Variants in USP48 observed in about 807,000 individuals in gnomAD.
USP48 encodes ubiquitin specific peptidase 48.
USP48 carries 43 observed loss-of-function variants against 150.7 expected under a neutral mutation model. The ratio of observed to expected loss-of-function variants is 0.29; its 90% confidence interval spans 0.22 to 0.37. The LOEUF (loss-of-function observed/expected upper bound fraction) is 0.37, where lower values mean the gene tolerates loss of function less well. USP48 is among the 10% of genes least tolerant of loss of function. The pLI, the probability that USP48 is intolerant of heterozygous loss-of-function variation, is 1.00. For synonymous variants in USP48, 396 were observed against 425.9 expected, an observed-to-expected ratio of 0.93 and a Z score of 0.86; for missense variants, 813 against 1,249.6, an observed-to-expected ratio of 0.65 and a Z score of 5.27.
At chr1:21,770,847 CT>C (rs1557612380) in intron 1 of USP48, among the ~76,000 whole-genome samples, 1 of 151,784 alleles carries the variant, frequency 6.6e-6, no homozygotes, top group East Asian at 1.9e-4. Context: ...TTCAAGCTGG[CT>C]ACAGTGGCTC....
At chr1:21,711,820 T>A (rs1286274764) in intron 15 of USP48, among the ~76,000 whole-genome samples, 2 of 152,148 alleles carry the variant, frequency 1.3e-5, no homozygotes, top group Non-Finnish European at 2.9e-5. Context: ...GAAACTGAAG[T>A]GGAGAAAAAT....
Position 21,772,571 on chromosome 1 carries a change from C to T in USP48, c.134+10253G>A, listed in dbSNP as rs533001767. Among the ~76,000 whole-genome samples, 129 of 148,012 alleles carry T rather than the reference C, an allele frequency of 8.7e-4. 1 individual carries two copies. Among genetic ancestry groups the T allele is most frequent in the African/African-American group, 2.8e-3 (111 of 40,008 alleles). ...CCGGGAGGCGGAGCTCGCAGTGAGCCGAGATCGCGCCACTGCACTCCAGCC... is the reference window on the plus strand; with the variant it reads ...CCGGGAGGCGGAGCTCGCAGTGAGCTGAGATCGCGCCACTGCACTCCAGCC... On this transcript the variant is annotated intron_variant, in intron 1 of 26. Coordinates refer to ENST00000308271, the MANE Select transcript of USP48 (RefSeq NM_032236.8).
At chr1:21,716,855 C>T (rs374449606) in intron 14 of USP48, among the ~76,000 whole-genome samples, 103 of 152,082 alleles carry the variant, frequency 6.8e-4, no homozygotes, top group African/African-American at 2.2e-3. Context: ...AGTGAAACCT[C>T]GTCTCTACTA....
intron 8 of USP48, among the ~76,000 whole-genome samples, chr1:21,740,426 T>A (rs922061218): frequency 3.9e-5 from 6 of 152,368 alleles, no homozygotes; most frequent in African/African-American, 1.4e-4. Flanking sequence ...GAGAAAATTA[T>A]CTGCCTTATA....
chr1:21,782,036 A>C (rs1245925493), intron 1 of USP48: 3 of 152,246 alleles, frequency 2.0e-5, no homozygotes, highest in Non-Finnish European at 4.4e-5. Flanking sequence ...AACTCCAGAA[A>C]GCATTTCCTA....
At chr1:21,748,649 G>A (rs1391795099) in intron 6 of USP48, among the ~76,000 whole-genome samples, 1 of 152,236 alleles carries the variant, frequency 6.6e-6, no homozygotes, top group African/African-American at 2.4e-5. Context: ...CATGGCTCAC[G>A]CCTGTAATCC....
intron 8 of USP48, among the ~76,000 whole-genome samples, chr1:21,743,163 C>T (rs1029123077): frequency 2.6e-5 from 4 of 151,916 alleles, no homozygotes; most frequent in Admixed American, 6.6e-5. Context: ...CCTCATTTTG[C>T]AGGCTGTGGG....
chr1:21,771,166 G>T (rs1198323454), intron 1 of USP48, among the ~76,000 whole-genome samples: 1 of 151,336 alleles, frequency 6.6e-6, no homozygotes, highest in South Asian at 2.1e-4. Flanking sequence ...GTAAATTTTC[G>T]AAATCAAGAC....
At chr1:21,782,198 G>A (rs1474478072) in intron 1 of USP48, among the ~76,000 whole-genome samples, 4 of 152,132 alleles carry the variant, frequency 2.6e-5, no homozygotes, top group Admixed American at 6.6e-5. Context: ...TATATGAGGG[G>A]GTTAAGGAAA....
chr1:21,684,773 T>C (rs2097576207), intron 25 of USP48, among the ~76,000 whole-genome samples: 1 of 152,194 alleles, frequency 6.6e-6, no homozygotes, highest in Admixed American at 6.5e-5. Flanking sequence ...GATATCCAGT[T>C]TTCCCAGCAA....
Position 21,756,587 on chromosome 1 carries a change from C to G in USP48, c.371G>C (p.Cys124Ser). Reference sequence around the variant, plus strand: ...GCCGTCTCCCAGCATGTAGTCACTACAAGTGCTTGGACATAAGTAGAGTGC... The same window carrying G: ...GCCGTCTCCCAGCATGTAGTCACTAGAAGTGCTTGGACATAAGTAGAGTGC... ...RQALYLCPST[C>S]SDYMLGDGIQ... The change falls in exon 3 of 27, where the codon TGT (cysteine) becomes TCT (serine). Residue 124 changes from cysteine (C) to serine (S), a missense_variant. Coordinates refer to ENST00000308271, the MANE Select transcript of USP48 (RefSeq NM_032236.8). 1 of 1,604,184 alleles carries G rather than the reference C, an allele frequency of 6.2e-7. No homozygotes were observed. Among genetic ancestry groups the G allele is most frequent in the Non-Finnish European group, 8.5e-7 (1 of 1,177,176 alleles).
rs2097617867 is a variant in USP48, at chr1:21,694,592, A to C, written c.2883+474T>G. ...CTCACCAAAAAAAAAAAAAAAAAAA[A>C]AAAAAAAAAAAAAAACCCCCTCTAT... On this transcript the variant is annotated intron_variant, in intron 23 of 26. Coordinates refer to ENST00000308271, the MANE Select transcript of USP48 (RefSeq NM_032236.8). Among the ~76,000 whole-genome samples, 6 of 135,272 alleles carry C rather than the reference A, an allele frequency of 4.4e-5. 1 individual carries two copies. The South Asian group carries it at 1.4e-3, about 31-fold the overall frequency. 88.7% of individuals were successfully genotyped at this position (135,272 alleles called of 152,430 possible).
chr1:21,685,238 T>G (rs977757789), intron 25 of USP48, among the ~76,000 whole-genome samples: 1 of 152,206 alleles, frequency 6.6e-6, no homozygotes, highest in Non-Finnish European at 1.5e-5. Flanking sequence ...GTTTTCCTTG[T>G]AGAGGTCTTT....
At chr1:21,718,346 G>A (rs2152539132) in intron 14 of USP48, among the ~76,000 whole-genome samples, 2 of 152,344 alleles carry the variant, frequency 1.3e-5, no homozygotes, top group South Asian at 4.1e-4. Flanking sequence ...TATTTACAGT[G>A]ATTGTATCTG....
At chr1:21,708,512 A>G (rs61776036) in intron 15 of USP48, among the ~76,000 whole-genome samples, 1,529 of 151,946 alleles carry the variant, frequency 0.01, 17 homozygotes, top group Middle Eastern at 0.054. Flanking sequence ...ACAAAAACAA[A>G]CAAACAAACA....
In USP48 at chr1:21,782,916, C is replaced by A; in HGVS notation, c.42G>T (p.Trp14Cys). 1 of 1,551,492 alleles carries A rather than the reference C, an allele frequency of 6.4e-7. No homozygotes were observed. The highest frequency in any genetic ancestry group is 8.7e-7 in the Non-Finnish European group (1 of 1,149,578). The part of the protein sequence containing the change: ...RLQLEKAAWR[W>C]AETVRPEEVS... ...CCTCCTCGGGCCGCACCGTCTCCGC[C>A]CAGCGCCAGGCCGCCTTCTCCAGCT... The change falls in exon 1 of 27, where the codon TGG (tryptophan) becomes TGT (cysteine). Residue 14 changes from tryptophan to cysteine, a missense_variant. Trp to Cys is a radical substitution (Grantham distance 215). Coordinates refer to ENST00000308271, the MANE Select transcript of USP48 (RefSeq NM_032236.8).
intron 1 of USP48, among the ~76,000 whole-genome samples, chr1:21,770,507 G>T: frequency 7.5e-6 from 1 of 132,964 alleles, no homozygotes; most frequent in African/African-American, 2.9e-5. Flanking sequence ...TTTTGAGACA[G>T]AGCTCACTCT....
intron 8 of USP48, among the ~76,000 whole-genome samples, chr1:21,746,252 C>T (rs1348943099): frequency 6.6e-6 from 1 of 152,126 alleles, no homozygotes; most frequent in Non-Finnish European, 1.5e-5. Context: ...GTAATCCCAG[C>T]ACTTAGGGAG....
chr1:21,779,992 T>C (rs2097910537), intron 1 of USP48, among the ~76,000 whole-genome samples: 2 of 152,222 alleles, frequency 1.3e-5, no homozygotes, highest in East Asian at 1.9e-4. Flanking sequence ...GTACAACCAC[T>C]GTGGAAGTTT....
Sources: allele counts gnomAD v4.1 joint callset (sites outside exome capture counted in the v4.1 genomes callset), GRCh38; gene constraint gnomAD v4.1.1; transcripts MANE v1.5; gene names NCBI Gene and HGNC (gene_info 2026-07-23, HGNC 2026-07-21).